AGPAT4: variants seen among roughly 807,000 people sequenced by gnomAD.
AGPAT4 encodes the protein 1-acylglycerol-3-phosphate O-acyltransferase 4, also known as 1-acyl-sn-glycerol-3-phosphate acyltransferase delta.
A neutral mutation model predicts 48.0 loss-of-function variants in AGPAT4; 15 were observed. That is an observed-to-expected ratio of 0.31 (90% CI 0.21 to 0.48). The LOEUF (loss-of-function observed/expected upper bound fraction) is 0.48, where lower values mean the gene tolerates loss of function less well. AGPAT4 is among the 20% of genes least tolerant of loss of function. The pLI is 0.99. For synonymous variants in AGPAT4, 178 were observed against 198.7 expected (o/e 0.90, Z 0.88); for missense variants, 314 against 482.5 (o/e 0.65, Z 3.27).
intron 3 of AGPAT4, among the ~76,000 whole-genome samples, chr6:161,163,570 G>T (rs1020910529): frequency 1.2e-4 from 19 of 152,202 alleles, no homozygotes; most frequent in Non-Finnish European, 2.4e-4. Flanking sequence ...TGTGACATGG[G>T]GAGGGGGTTC....
In AGPAT4 at chr6:161,231,048, A is replaced by G. The variant is rs1303283816; in HGVS notation, c.178+988T>C. ...CTTGAATTGTCTTGATTCAAATTCA[A>G]ATTTGATCATTTTAAAGGGTATCAA... On this transcript the variant is annotated intron_variant, in intron 2 of 8. Transcript: ENST00000320285. The surrounding 1 kb of genome is among the most constrained non-coding windows in gnomAD (Gnocchi z 5.3). Among the ~76,000 whole-genome samples the G allele has an allele frequency of 8.9e-6, 1 of 112,194 alleles. No individual in the cohort carries two copies. The highest frequency in any genetic ancestry group is 1.8e-5 in the Non-Finnish European group (1 of 54,868). 73.6% of individuals were successfully genotyped at this position (112,194 alleles called of 152,430 possible). A position where few individuals can be genotyped will look rare whatever the true frequency, so the allele number is the denominator to read the frequency against.
At chr6:161,209,323 T>C (rs1206051396) in intron 2 of AGPAT4, among the ~76,000 whole-genome samples, 1 of 152,202 alleles carries the variant, frequency 6.6e-6, no homozygotes, top group South Asian at 2.1e-4. Flanking sequence ...GCTGTGACAC[T>C]GTATGAGCCA....
At position 161,244,192 on chromosome 6, in the gene AGPAT4, A is replaced by G. The variant is rs1782583492; in HGVS notation, c.-89-11890T>C. Among the ~76,000 whole-genome samples the G allele has an allele frequency of 6.6e-6, 1 of 152,152 alleles. No homozygotes were observed. Among genetic ancestry groups the G allele is most frequent in the Non-Finnish European group, 1.5e-5 (1 of 68,032 alleles). ...CATACAGCGAGGAGCTGACGACACA[A>G]TTCTAACAAATACAGAAGACGCAAA... is the stretch of plus-strand genomic sequence containing the variant. On this transcript the variant is annotated intron_variant, in intron 1 of 8. Coordinates refer to ENST00000320285, the MANE Select transcript of AGPAT4 (RefSeq NM_020133.3). This position sits in a 1 kb window ranked among gnomAD's most constrained non-coding sequence, Gnocchi z 4.7.
In AGPAT4 at chr6:161,215,263, A is replaced by G. The variant is rs921631246; in HGVS notation, c.178+16773T>C. ...ATGTGTTGTAATCTGTTGCCTAGTT[A>G]GCAAATGTTTCTGTAGAATTAAGCT... On this transcript the variant is annotated intron_variant, in intron 2 of 8. Coordinates refer to ENST00000320285, the MANE Select transcript of AGPAT4 (RefSeq NM_020133.3). The surrounding 1 kb of genome is among the most constrained non-coding windows in gnomAD (Gnocchi z 4.5). Among the ~76,000 whole-genome samples the G allele has an allele frequency of 2.0e-5, 3 of 152,216 alleles. No individual in the cohort carries two copies. The highest frequency in any genetic ancestry group is 4.4e-5 in the Non-Finnish European group (3 of 68,036).
In AGPAT4 at chr6:161,202,834, C is replaced by T. The variant is rs1173423713; in HGVS notation, c.178+29202G>A. ...GACTTTTGGAGCCCTAAACTACCAG[C>T]TAAGAAATGCTACTGCCTTGAAGCT... On this transcript the variant is annotated intron_variant, in intron 2 of 8. Coordinates refer to ENST00000320285, the MANE Select transcript of AGPAT4 (RefSeq NM_020133.3). This position sits in a 1 kb window ranked among gnomAD's most constrained non-coding sequence, Gnocchi z 5.4. 6.6e-6 allele frequency among the ~76,000 whole-genome samples: 1 copy of T among 152,176 alleles called. No individual in the cohort carries two copies. The highest frequency in any genetic ancestry group is 2.4e-5 in the African/African-American group (1 of 41,448).
In AGPAT4 at chr6:161,130,223, G is replaced by C. The variant is rs894054894; in HGVS notation, c.*6317C>G. On this transcript the variant is annotated 3_prime_UTR_variant, in exon 9 of 9. Transcript: ENST00000320285. ...CACCCAATCCACACGTTCTCTCAAA[G>C]ACTAGCATGGTTCTGTCCAATACCT... 1 of 152,172 alleles carries C rather than the reference G, an allele frequency of 6.6e-6. No homozygotes were observed. The highest frequency in any genetic ancestry group is 6.5e-5 in the Admixed American group (1 of 15,278). The allele number at this position is 152,172 out of a possible 1,614,324, so 9.4% of individuals were successfully genotyped here.
chr6:161,131,266 G>A lies in AGPAT4; in HGVS notation c.*5274C>T, dbSNP rs1483098453. Reference sequence around the variant, plus strand: ...TGAAAAGATCTAAGTAGGTGCTTAAGAACTGCTTTTTAACCCATTCACAAC... The same window carrying A: ...TGAAAAGATCTAAGTAGGTGCTTAAAAACTGCTTTTTAACCCATTCACAAC... On this transcript the variant is annotated 3_prime_UTR_variant, in exon 9 of 9. Transcript: ENST00000320285. 5.7e-6 allele frequency: 1 copy of A among 176,018 alleles called. No individual in the cohort carries two copies. The highest frequency in any genetic ancestry group is 2.4e-5 in the African/African-American group (1 of 42,304). The allele number at this position is 176,018 out of a possible 1,614,324, so 10.9% of individuals were successfully genotyped here.
At chr6:161,211,028 A>G (rs545602446) in intron 2 of AGPAT4, among the ~76,000 whole-genome samples, 9 of 152,370 alleles carry the variant, frequency 5.9e-5, no homozygotes, top group Non-Finnish European at 1.0e-4. Flanking sequence ...GCCTATGCCC[A>G]GGAATGAGCA....
Position 161,174,320 on chromosome 6 carries a change from G to A in AGPAT4, c.179-7903C>T, listed in dbSNP as rs540127583. Among the ~76,000 whole-genome samples, 463 of 152,044 alleles carry A rather than the reference G, an allele frequency of 3.0e-3. 1 individual carries two copies. The highest frequency in any genetic ancestry group is 0.011 in the African/African-American group (447 of 41,458). The stretch of plus-strand genomic sequence containing the variant: ...ATTTGTTTGTGTCCTCTTTTATTTC[G>A]TTGAGCAGTGGTTTGTAGTTCTCCT... On this transcript the variant is annotated intron_variant, in intron 2 of 8. Coordinates refer to ENST00000320285, the MANE Select transcript of AGPAT4 (RefSeq NM_020133.3).
In AGPAT4 at chr6:161,166,594, C is replaced by G. The variant is rs903933489; in HGVS notation, c.179-177G>C. On this transcript the variant is annotated intron_variant, in intron 2 of 8. Transcript: ENST00000320285. This position sits in a 1 kb window ranked among gnomAD's most constrained non-coding sequence, Gnocchi z 6.7. ...AAGGGTTCAGAAGCGGAAGGAAACA[C>G]GAGAAAGACTTCACAACATTCTCCA... 6.6e-6 allele frequency among the ~76,000 whole-genome samples: 1 copy of G among 152,042 alleles called. No homozygotes were observed. Among genetic ancestry groups the G allele is most frequent in the Admixed American group, 6.6e-5 (1 of 15,262 alleles).
rs879840400 is a variant in AGPAT4 at position 161,138,869 on chromosome 6, G to A, written c.1042+553C>T. Among the ~76,000 whole-genome samples, 2 of 152,106 alleles carry A rather than the reference G, an allele frequency of 1.3e-5. No individual in the cohort carries two copies. Among genetic ancestry groups the A allele is most frequent in the Non-Finnish European group, 2.9e-5 (2 of 68,010 alleles). On this transcript the variant is annotated intron_variant, in intron 8 of 8. Transcript: ENST00000320285. This position sits in a 1 kb window ranked among gnomAD's most constrained non-coding sequence, Gnocchi z 4.8. Reference sequence around the variant, plus strand: ...CCCCGCCAGAGGCAAGGAGCAGGGTGCACAGGGGCTTGCCACCAAGAAGCA... The same window carrying A: ...CCCCGCCAGAGGCAAGGAGCAGGGTACACAGGGGCTTGCCACCAAGAAGCA...
chr6:161,142,843 C>A lies in AGPAT4; in HGVS notation c.844-3223G>T, dbSNP rs1157247065. Among the ~76,000 whole-genome samples the A allele has an allele frequency of 6.6e-6, 1 of 152,198 alleles. No homozygotes were observed. Among genetic ancestry groups the A allele is most frequent in the Non-Finnish European group, 1.5e-5 (1 of 68,034 alleles). ...CGGCCAGGACTTGCAAAGGACTTAC[C>A]ATGGGAGCCAAGCCTTGAGGCTCCC... On this transcript the variant is annotated intron_variant, in intron 7 of 8. Transcript: ENST00000320285. The surrounding 1 kb of genome is among the most constrained non-coding windows in gnomAD (Gnocchi z 6.4).
Position 161,218,723 on chromosome 6 carries a change from G to A in AGPAT4, c.178+13313C>T, listed in dbSNP as rs182022025. On this transcript the variant is annotated intron_variant, in intron 2 of 8. Transcript: ENST00000320285. This position sits in a 1 kb window ranked among gnomAD's most constrained non-coding sequence, Gnocchi z 4.7. Reference sequence around the variant, plus strand: ...ATAAGGATGCTAGAAAATAACTGCTGTCCTCAACACTTTCCATATCATGTA... The same window carrying A: ...ATAAGGATGCTAGAAAATAACTGCTATCCTCAACACTTTCCATATCATGTA... Among the ~76,000 whole-genome samples the A allele has an allele frequency of 3.7e-4, 57 of 152,290 alleles. No individual in the cohort carries two copies. The highest frequency in any genetic ancestry group is 3.6e-3 in the Admixed American group (55 of 15,300).
rs1441367540 is a variant in AGPAT4 at position 161,234,687 on chromosome 6, C to T, written c.-89-2385G>A. ...CACTAATAGCGTCAAGACAATCTGG[C>T]CAGGCCAAGCTCGGTTTTTCACTAG... On this transcript the variant is annotated intron_variant, in intron 1 of 8. Coordinates refer to ENST00000320285, the MANE Select transcript of AGPAT4 (RefSeq NM_020133.3). The surrounding 1 kb of genome is among the most constrained non-coding windows in gnomAD (Gnocchi z 4.4). Among the ~76,000 whole-genome samples the T allele has an allele frequency of 6.6e-6, 1 of 152,072 alleles. No individual in the cohort carries two copies.
At chr6:161,213,509 T>C (rs1431496185) in intron 2 of AGPAT4, among the ~76,000 whole-genome samples, 1 of 152,224 alleles carries the variant, frequency 6.6e-6, no homozygotes, top group Non-Finnish European at 1.5e-5. Context: ...TGTTTTCAAT[T>C]TTTTGTTCCT....
At chr6:161,136,661 G>C in intron 8 of AGPAT4, 27 bp from the exon 9 acceptor site, 1 of 1,604,274 alleles carries the variant, frequency 6.2e-7, no homozygotes, top group South Asian at 1.1e-5. Flanking sequence ...AGCAGAGTTA[G>C]GAGTAGCCCA....
In AGPAT4 at chr6:161,255,712, G is replaced by A. The variant is rs960721096; in HGVS notation, c.-90+18226C>T. Among the ~76,000 whole-genome samples, 5 of 151,992 alleles carry A rather than the reference G, an allele frequency of 3.3e-5. No individual in the cohort carries two copies. Among genetic ancestry groups the A allele is most frequent in the African/African-American group, 7.3e-5 (3 of 41,344 alleles). On this transcript the variant is annotated intron_variant, in intron 1 of 8. Coordinates refer to ENST00000320285, the MANE Select transcript of AGPAT4 (RefSeq NM_020133.3). The surrounding 1 kb of genome is among the most constrained non-coding windows in gnomAD (Gnocchi z 4.7). Reference sequence around the variant, plus strand: ...GAAAGTGAACTTGTGGTTGTCTAGGGCTGGAGGGGGCAGGATGGGGGAGTG... The same window carrying A: ...GAAAGTGAACTTGTGGTTGTCTAGGACTGGAGGGGGCAGGATGGGGGAGTG...
rs1782899241 is a variant in AGPAT4 at position 161,254,715 on chromosome 6, A to T, written c.-90+19223T>A. The stretch of plus-strand genomic sequence containing the variant: ...CCTTAGATTTACTGAGGCTACTTAC[A>T]ACTTCTTCTGTTAATCCTTGGTTCT... On this transcript the variant is annotated intron_variant, in intron 1 of 8. Transcript: ENST00000320285. The surrounding 1 kb of genome is among the most constrained non-coding windows in gnomAD (Gnocchi z 5.9). Among the ~76,000 whole-genome samples, 1 of 152,236 alleles carries T rather than the reference A, an allele frequency of 6.6e-6. No individual in the cohort carries two copies. Among genetic ancestry groups the T allele is most frequent in the South Asian group, 2.1e-4 (1 of 4,832 alleles).
chr6:161,165,279 G>A lies in AGPAT4; in HGVS notation c.348+969C>T, dbSNP rs879724451. Among the ~76,000 whole-genome samples, 2 of 152,134 alleles carry A rather than the reference G, an allele frequency of 1.3e-5. No individual in the cohort carries two copies. The highest frequency in any genetic ancestry group is 2.4e-5 in the African/African-American group (1 of 41,440). On this transcript the variant is annotated intron_variant, in intron 3 of 8. Transcript: ENST00000320285. This position sits in a 1 kb window ranked among gnomAD's most constrained non-coding sequence, Gnocchi z 5.5. ...TGGGAGAATAAATAGGAAAACAAAA[G>A]GAGAAAACAGTGGGCAGGAGGCTAT...
Sources: allele counts gnomAD v4.1 joint callset (sites outside exome capture counted in the v4.1 genomes callset), GRCh38; gene constraint gnomAD v4.1.1; non-coding constraint Gnocchi (gnomAD v3.1); transcripts MANE v1.5; gene names NCBI Gene and HGNC (gene_info 2026-07-23, HGNC 2026-07-21).